RPS6KA5: variants seen among roughly 807,000 people sequenced by gnomAD.
RPS6KA5 encodes ribosomal protein S6 kinase A5, also known as ribosomal protein S6 kinase alpha-5.
In RPS6KA5, 27 loss-of-function variants were observed where a neutral mutation model predicts 85.5. The observed-to-expected ratio is 0.32, with a 90% CI of 0.23 to 0.44. The LOEUF (loss-of-function observed/expected upper bound fraction) is 0.44, where lower values mean the gene tolerates loss of function less well. RPS6KA5 is among the 20% of genes least tolerant of loss of function. RPS6KA5 has a pLI of 1.00. For synonymous variants in RPS6KA5, 334 were observed against 348.2 expected (o/e 0.96, Z 0.46); for missense variants, 811 against 980.9 (o/e 0.83, Z 2.31).
At chr14:91,027,197 G>A (rs1265448276) in intron 1 of RPS6KA5, among the ~76,000 whole-genome samples, 5 of 152,112 alleles carry the variant, frequency 3.3e-5, no homozygotes, top group African/African-American at 1.2e-4. Context: ...TCCAAAGTCC[G>A]AGGTATTTCC....
At chr14:90,880,307 C>T (rs964285131) in intron 14 of RPS6KA5, among the ~76,000 whole-genome samples, 1 of 152,176 alleles carries the variant, frequency 6.6e-6, no homozygotes, top group African/African-American at 2.4e-5. Flanking sequence ...ACAACCCCGG[C>T]AACCACCATT....
intron 1 of RPS6KA5, among the ~76,000 whole-genome samples, chr14:91,048,860 T>G (rs1024739381): frequency 1.3e-5 from 2 of 152,226 alleles, no homozygotes; most frequent in Admixed American, 6.5e-5. Context: ...GATGTTATTA[T>G]GTTAGATTTT....
chr14:90,978,986 TA>T (rs1013288809), intron 2 of RPS6KA5, among the ~76,000 whole-genome samples: 10 of 151,858 alleles, frequency 6.6e-5, no homozygotes, highest in South Asian at 6.2e-4. Context: ...TCTATACTTA[TA>T]AAAAAAAGCC....
intron 2 of RPS6KA5, among the ~76,000 whole-genome samples, chr14:90,997,190 T>G (rs1440705592): frequency 1.3e-5 from 2 of 152,156 alleles, no homozygotes; most frequent in Non-Finnish European, 2.9e-5. Context: ...TAACCTGACC[T>G]GTAGTAAAAA....
rs546100825 is a variant in RPS6KA5, at chr14:90,965,182, C to T, written c.394+13124G>A. Among the ~76,000 whole-genome samples the T allele has an allele frequency of 2.6e-5, 4 of 152,076 alleles. 1 individual carries two copies. Among genetic ancestry groups the T allele is most frequent in the African/African-American group, 9.6e-5 (4 of 41,504 alleles). On this transcript the variant is annotated intron_variant, in intron 3 of 16. Coordinates refer to ENST00000614987, the MANE Select transcript of RPS6KA5 (RefSeq NM_004755.4). ...AGGCAGGCAGATCACGAGGTCAGGT[C>T]GAGACCAGCCTGGCCAACAGGGTGA...
In RPS6KA5 at chr14:90,866,879, G is replaced by A. The variant is rs2032823051; in HGVS notation, c.*5195C>T. On this transcript the variant is annotated 3_prime_UTR_variant, in exon 17 of 17. Coordinates refer to ENST00000614987, the MANE Select transcript of RPS6KA5 (RefSeq NM_004755.4). ...TTCTGTTTTTATTCAGCCAAAGAAT[G>A]AGAATTATTGTACATTGCTAGTATT... 1 of 152,192 alleles carries A rather than the reference G, an allele frequency of 6.6e-6. No individual in the cohort carries two copies. The highest frequency in any genetic ancestry group is 2.1e-4 in the South Asian group (1 of 4,834). The allele number at this position is 152,192 out of a possible 1,614,324, so 9.4% of individuals were successfully genotyped here. A position where few individuals can be genotyped will look rare whatever the true frequency, so the allele number is the denominator to read the frequency against.
intron 2 of RPS6KA5, among the ~76,000 whole-genome samples, chr14:90,998,007 G>GA (rs58227226): frequency 0.51 from 30,479 of 59,660 alleles, 8,442 homozygotes; most frequent in East Asian, 0.62. Context: ...GACTCTGTCT[G>GA]AAAAAAAAAA....
intron 1 of RPS6KA5, among the ~76,000 whole-genome samples, chr14:91,048,791 C>A (rs1595556357): frequency 6.6e-6 from 1 of 152,334 alleles, no homozygotes; most frequent in Non-Finnish European, 1.5e-5. Flanking sequence ...CCTCCCACAG[C>A]ACTTTAGGAT....
chr14:90,881,486 A>T (rs961319512), intron 14 of RPS6KA5, among the ~76,000 whole-genome samples: 9 of 148,710 alleles, frequency 6.1e-5, no homozygotes, highest in Non-Finnish European at 1.2e-4. Flanking sequence ...TAGTGTAGCC[A>T]CTCCTGAGCT....
intron 15 of RPS6KA5, among the ~76,000 whole-genome samples, chr14:90,874,016 C>T (rs779750405): frequency 6.6e-6 from 1 of 152,120 alleles, no homozygotes; most frequent in Non-Finnish European, 1.5e-5. Context: ...AAGCTCCAGG[C>T]GAAGTGGCTT....
At chr14:90,999,700 G>A (rs759908783) in intron 2 of RPS6KA5, among the ~76,000 whole-genome samples, 25 of 152,248 alleles carry the variant, frequency 1.6e-4, no homozygotes, top group African/African-American at 5.8e-4. Context: ...ATGAAAATGC[G>A]GGTGCCTTGT....
rs1037971247 is a variant in RPS6KA5 at position 90,855,164 on chromosome 14, A to T, written c.*16910T>A. ...GATTATCTAGGATAAAGATATTTCA[A>T]ATGTATATGATGGGGCTAAGGGAGA... On this transcript the variant is annotated 3_prime_UTR_variant, in exon 17 of 17. Coordinates refer to ENST00000614987, the MANE Select transcript of RPS6KA5 (RefSeq NM_004755.4). The T allele has an allele frequency of 6.6e-6, 1 of 152,240 alleles. No homozygotes were observed. Among genetic ancestry groups the T allele is most frequent in the Admixed American group, 6.5e-5 (1 of 15,282 alleles). The allele number at this position is 152,240 out of a possible 1,614,324, so 9.4% of individuals were successfully genotyped here.
In RPS6KA5 at chr14:90,900,749, CAAAGAAAGAT is replaced by C; in HGVS notation, c.1120-23_1120-14del. 1 of 1,597,624 alleles carries C rather than the reference CAAAGAAAGAT, an allele frequency of 6.3e-7. No homozygotes were observed. Among genetic ancestry groups the C allele is most frequent in the Non-Finnish European group, 8.5e-7 (1 of 1,173,432 alleles). On this transcript the variant is annotated splice_polypyrimidine_tract_variant and intron_variant, in intron 9 of 16. Coordinates refer to ENST00000614987, the MANE Select transcript of RPS6KA5 (RefSeq NM_004755.4). ...CAAAGGAATAGCCCTAAAAACAAGA[CAAAGAAAGAT>C]AAAGAAAAACAACTTGCAGTTTTCC...
chr14:91,003,241 TTATATC>T (rs1031919147), intron 1 of RPS6KA5, among the ~76,000 whole-genome samples: 1 of 152,056 alleles, frequency 6.6e-6, no homozygotes, highest in Non-Finnish European at 1.5e-5. Flanking sequence ...ATATACTAGA[TTATATC>T]TATATTTATA....
Position 90,920,315 on chromosome 14 carries a change from AAAC to A in RPS6KA5, c.703-9_703-7del, listed in dbSNP as rs2036338408. 1 of 1,520,834 alleles carries A rather than the reference AAAC, an allele frequency of 6.6e-7. No homozygotes were observed. The highest frequency in any genetic ancestry group is 9.1e-7 in the Non-Finnish European group (1 of 1,102,722). 94.2% of individuals were successfully genotyped at this position (1,520,834 alleles called of 1,614,324 possible). A position where few individuals can be genotyped will look rare whatever the true frequency, so the allele number is the denominator to read the frequency against. The stretch of plus-strand genomic sequence containing the variant: ...AAACTCCACCAGTCAACTGCCTATA[AAAC>A]AACAATAATTTCATTTTATAGAATT... On this transcript the variant is annotated splice_region_variant and splice_polypyrimidine_tract_variant and intron_variant, in intron 6 of 16. Transcript: ENST00000614987.
chr14:90,969,086 T>C (rs1205438980), intron 3 of RPS6KA5, among the ~76,000 whole-genome samples: 8 of 152,200 alleles, frequency 5.3e-5, no homozygotes, highest in African/African-American at 1.7e-4. Context: ...TGTATGTATA[T>C]GGAAAGGCAG....
chr14:91,008,017 C>A (rs1190337891), intron 1 of RPS6KA5, among the ~76,000 whole-genome samples: 1 of 152,116 alleles, frequency 6.6e-6, no homozygotes, highest in Non-Finnish European at 1.5e-5. Flanking sequence ...CTAAGCAATG[C>A]TATTGTAAGT....
At chr14:91,024,080 T>C (rs897616030) in intron 1 of RPS6KA5, among the ~76,000 whole-genome samples, 8 of 152,222 alleles carry the variant, frequency 5.3e-5, no homozygotes, top group Non-Finnish European at 8.8e-5. Context: ...TGACATTTTT[T>C]CTTTCTGTAT....
intron 3 of RPS6KA5, among the ~76,000 whole-genome samples, chr14:90,964,498 C>T (rs547903887): frequency 7.7e-4 from 117 of 152,232 alleles, no homozygotes; most frequent in African/African-American, 2.6e-3. Flanking sequence ...GATTTTCTGG[C>T]CTACAGACAA....
Sources: allele counts gnomAD v4.1 joint callset (sites outside exome capture counted in the v4.1 genomes callset), GRCh38; gene constraint gnomAD v4.1.1; transcripts MANE v1.5; gene names NCBI Gene and HGNC (gene_info 2026-07-23, HGNC 2026-07-21).